The following NPAS3 variants were observed in gnomAD, a reference collection of about 807,000 sequenced individuals.
The protein encoded by NPAS3 is neuronal PAS domain-containing protein 3.
In NPAS3, 14 loss-of-function variants were observed where a neutral mutation model predicts 73.1. The ratio of observed to expected loss-of-function variants is 0.19; its 90% CI spans 0.13 to 0.30. The LOEUF (loss-of-function observed/expected upper bound fraction) is 0.30, where lower values mean the gene tolerates loss of function less well. NPAS3 is among the 10% of genes least tolerant of loss of function. The pLI, the probability that NPAS3 is intolerant of heterozygous loss-of-function variation, is 1.00. For synonymous variants in NPAS3, 620 were observed against 541.5 expected, an observed-to-expected ratio of 1.14 and a Z score of -2.01; for missense variants, 1,096 against 1,250.0, an observed-to-expected ratio of 0.88 and a Z score of 1.86.
At chr14:33,158,579 T>C (rs939909371) in intron 2 of NPAS3, among the ~76,000 whole-genome samples, 7 of 152,094 alleles carry the variant, frequency 4.6e-5, no homozygotes, top group African/African-American at 9.7e-5. Flanking sequence ...GGCACAATAA[T>C]TGGGAGTTCT....
chr14:33,686,647 AAC>A (rs941823221), intron 6 of NPAS3, among the ~76,000 whole-genome samples: 15 of 152,284 alleles, frequency 9.9e-5, no homozygotes, highest in African/African-American at 3.6e-4. Flanking sequence ...CTAAGAAAAG[AAC>A]AGTTTTTTAA....
intron 3 of NPAS3, among the ~76,000 whole-genome samples, chr14:33,273,885 T>A (rs1242417643): frequency 1.3e-5 from 2 of 152,196 alleles, no homozygotes; most frequent in African/African-American, 4.8e-5. Context: ...AAATAGTGAC[T>A]CCCAAATCTG....
At chr14:33,490,230 T>A (rs993767956) in intron 4 of NPAS3, among the ~76,000 whole-genome samples, 1 of 152,186 alleles carries the variant, frequency 6.6e-6, no homozygotes, top group African/African-American at 2.4e-5. Flanking sequence ...GGTGCCTATA[T>A]GTTTCGAACC....
chr14:32,938,967 G>A (rs992429064), upstream of NPAS3, among the ~76,000 whole-genome samples: 59 of 146,206 alleles, frequency 4.0e-4, 1 homozygote, highest in African/African-American at 1.3e-3. Flanking sequence ...CGGCGGCGGC[G>A]CCGGGCGAGC....
chr14:33,786,025 G>A (rs1439660609), intron 9 of NPAS3, among the ~76,000 whole-genome samples: 2 of 152,156 alleles, frequency 1.3e-5, no homozygotes, highest in Non-Finnish European at 2.9e-5. Flanking sequence ...AGCCTCTTGT[G>A]TCTCATAGTC....
intron 1 of NPAS3, among the ~76,000 whole-genome samples, chr14:33,022,142 C>A (rs1294070474): frequency 6.6e-6 from 1 of 152,074 alleles, no homozygotes; most frequent in Non-Finnish European, 1.5e-5. Flanking sequence ...TCGTGATTGG[C>A]CTTTAAAAGG....
chr14:33,192,153 A>G (rs2139513166), intron 2 of NPAS3, among the ~76,000 whole-genome samples: 1 of 152,288 alleles, frequency 6.6e-6, no homozygotes, highest in Non-Finnish European at 1.5e-5. Context: ...ACCTTAGGCA[A>G]ATTATGTGAT....
At chr14:33,564,082 A>C (rs2055800460) in intron 5 of NPAS3, among the ~76,000 whole-genome samples, 1 of 152,224 alleles carries the variant, frequency 6.6e-6, no homozygotes, top group South Asian at 2.1e-4. Context: ...TGATAAAAAT[A>C]ATGTCAAAAT....
At position 33,800,058 on chromosome 14, in the gene NPAS3, A is replaced by T; in HGVS notation, c.1751A>T (p.Asp584Val). The T allele has an allele frequency of 6.2e-7, 1 of 1,605,950 alleles. No homozygotes were observed. The highest frequency in any genetic ancestry group is 1.1e-5 in the South Asian group (1 of 90,700). The stretch of plus-strand genomic sequence containing the variant: ...ACGTCCGACAGCGCCAAGGACTCGG[A>T]CAGCGCAGGCGAGGCGGGCGCGCAG... Residue 584 changes from aspartate to valine, a missense_variant, in exon 12 of 12, where the codon GAC becomes GTC. Around this residue, in one of 5 missense-constraint regions of NPAS3, gnomAD observed 698 missense variants for 676.7 expected, o/e 1.03. Transcript: ENST00000356141. The surrounding 1 kb of genome is among the most constrained non-coding windows in gnomAD (Gnocchi z 6.5).
At position 33,551,718 on chromosome 14, in the gene NPAS3, G is replaced by T. The variant is rs144394901; in HGVS notation, c.469-8403G>T. 1.1e-3 allele frequency among the ~76,000 whole-genome samples: 170 copies of T among 152,296 alleles called. 2 individuals carry two copies. The highest frequency in any genetic ancestry group is 3.9e-3 in the African/African-American group (163 of 41,570). On this transcript the variant is annotated intron_variant, in intron 4 of 11. Transcript: ENST00000356141. Reference sequence around the variant, plus strand: ...CTTACATACCAGCTGCCTATTTGGAGATGTGGTTCTACTAGGGATTATTTA... The same window carrying T: ...CTTACATACCAGCTGCCTATTTGGATATGTGGTTCTACTAGGGATTATTTA...
intron 5 of NPAS3, among the ~76,000 whole-genome samples, chr14:33,585,041 G>A (rs944083592): frequency 1.3e-5 from 2 of 151,900 alleles, no homozygotes; most frequent in South Asian, 4.2e-4. Context: ...TTGAGCTAGG[G>A]CAGCAGAAAA....
intron 4 of NPAS3, among the ~76,000 whole-genome samples, chr14:33,443,069 A>C (rs1387333470): frequency 6.6e-6 from 1 of 152,240 alleles, no homozygotes; most frequent in Non-Finnish European, 1.5e-5. Flanking sequence ...AGTAGAAGAG[A>C]GAGCCCTTTA....
chr14:33,275,346 G>A (rs777895539), intron 3 of NPAS3, among the ~76,000 whole-genome samples: 2 of 152,090 alleles, frequency 1.3e-5, no homozygotes, highest in Non-Finnish European at 2.9e-5. Context: ...AAAGAAAAAG[G>A]CTACATTCTT....
intron 6 of NPAS3, among the ~76,000 whole-genome samples, chr14:33,695,744 A>G (rs1474603143): frequency 6.6e-6 from 1 of 152,216 alleles, no homozygotes; most frequent in Non-Finnish European, 1.5e-5. Context: ...TTCTATTTCT[A>G]CATAAGTGAC....
rs181128595 is a variant in NPAS3, at chr14:33,620,160, A to G, written c.559-56051A>G. 7.9e-5 allele frequency among the ~76,000 whole-genome samples: 12 copies of G among 152,280 alleles called. No individual in the cohort carries two copies. The East Asian group carries it at 2.3e-3, about 29-fold the overall frequency. ...TGGTGATGATATAGATATTTTGTTG[A>G]AAGTTTATGCGCACCGACGAGAAGA... On this transcript the variant is annotated intron_variant, in intron 5 of 11. Coordinates refer to ENST00000356141, the Ensembl canonical transcript of NPAS3.
At chr14:33,762,400 G>A (rs1250626326) in intron 7 of NPAS3, among the ~76,000 whole-genome samples, 4 of 152,152 alleles carry the variant, frequency 2.6e-5, no homozygotes, top group Admixed American at 1.3e-4. Flanking sequence ...AACAGTCTTT[G>A]TGCCAATTAC....
chr14:33,024,142 A>G (rs146734977), intron 1 of NPAS3, among the ~76,000 whole-genome samples: 9,617 of 143,226 alleles, frequency 0.067, 409 homozygotes, highest in Non-Finnish European at 0.095. Context: ...GTGTGTGTAT[A>G]TGTGTGTGTG....
intron 3 of NPAS3, among the ~76,000 whole-genome samples, chr14:33,263,729 G>T (rs1367810541): frequency 3.3e-5 from 5 of 152,146 alleles, no homozygotes; most frequent in Non-Finnish European, 7.3e-5. Flanking sequence ...CCATTTTCAT[G>T]ATACTGATTC....
intron 4 of NPAS3, among the ~76,000 whole-genome samples, chr14:33,548,107 C>T (rs890188321): frequency 2.0e-5 from 3 of 152,170 alleles, no homozygotes; most frequent in African/African-American, 7.2e-5. Context: ...TTCATGCAAT[C>T]GTTGTTGGGA....
Sources: allele counts gnomAD v4.1 joint callset (sites outside exome capture counted in the v4.1 genomes callset), GRCh38; gene constraint gnomAD v4.1.1; regional missense constraint gnomAD v4.1.1; non-coding constraint Gnocchi (gnomAD v3.1); transcripts MANE v1.5; gene names NCBI Gene and HGNC (gene_info 2026-07-23, HGNC 2026-07-21).